DNAI2: variants seen among roughly 807,000 people sequenced by gnomAD.
DNAI2 encodes the protein dynein axonemal intermediate chain 2, also known as dynein, axonemal, intermediate polypeptide 2.
DNAI2 carries 63 observed loss-of-function variants against 74.7 expected under a neutral mutation model. That is an observed-to-expected ratio of 0.84 (90% CI 0.69 to 1.04). The LOEUF is 1.04. Among genes scored for constraint, DNAI2 ranks in the 50% least tolerant of loss-of-function variants. The pLI, the probability that DNAI2 is intolerant of heterozygous loss-of-function variation, is 0.00. For synonymous variants in DNAI2, 289 were observed against 314.9 expected (o/e 0.92, Z 0.87); for missense variants, 688 against 803.2 (o/e 0.86, Z 1.73).
intron 8 of DNAI2, 128 bp from the exon 9 acceptor site, chr17:74,305,091 T>G (rs1030002062): frequency 3.2e-6 from 3 of 941,100 alleles, no homozygotes; most frequent in Non-Finnish European, 1.7e-6. Flanking sequence ...GCCACAGCCC[T>G]TGCCAAGGCT....
intron 6 of DNAI2, among the ~76,000 whole-genome samples, chr17:74,291,589 G>A (rs573109907): frequency 1.6e-4 from 25 of 152,348 alleles, no homozygotes; most frequent in African/African-American, 3.1e-4. Flanking sequence ...CTGCAGACAC[G>A]GGTGAGGCAG....
intron 1 of DNAI2, among the ~76,000 whole-genome samples, chr17:74,275,803 T>C (rs1271890958): frequency 6.6e-6 from 1 of 151,602 alleles, no homozygotes; most frequent in Non-Finnish European, 1.5e-5. Context: ...GGCACAAGAA[T>C]CGCTTGAACT....
At chr17:74,307,154 A>G (rs1381392379) in intron 9 of DNAI2, 3 of 442,912 alleles carry the variant, frequency 6.8e-6, no homozygotes, top group Non-Finnish European at 9.0e-6. Flanking sequence ...GGGGGTTCCC[A>G]GTAGATGTGA....
chr17:74,307,743 C>A (rs1349900728), intron 9 of DNAI2, among the ~76,000 whole-genome samples: 1 of 151,504 alleles, frequency 6.6e-6, no homozygotes, highest in African/African-American at 2.4e-5. Context: ...AAGTATGTCC[C>A]ATGCAATATT....
At chr17:74,293,755 T>G (rs566442902) in intron 6 of DNAI2, among the ~76,000 whole-genome samples, 1 of 150,588 alleles carries the variant, frequency 6.6e-6, no homozygotes, top group East Asian at 1.9e-4. Flanking sequence ...GTAGATTACA[T>G]GTAGCTGGCA....
chr17:74,302,078 G>A lies in DNAI2; in HGVS notation c.987+910G>A, dbSNP rs9908396. Among the ~76,000 whole-genome samples, 20 of 83,304 alleles carry A rather than the reference G, an allele frequency of 2.4e-4. 1 individual carries two copies. The highest frequency in any genetic ancestry group is 2.3e-3 in the East Asian group (6 of 2,618). 54.7% of individuals were successfully genotyped at this position (83,304 alleles called of 152,430 possible). Reference sequence around the variant, plus strand: ...AGGAAGGAAGGAAGGAAAGAAGGAAGGAAGGAAGGAAGGAAGGAAGGAAGG... The same window carrying A: ...AGGAAGGAAGGAAGGAAAGAAGGAAAGAAGGAAGGAAGGAAGGAAGGAAGG... On this transcript the variant is annotated intron_variant, in intron 8 of 13. Coordinates refer to ENST00000311014, the MANE Select transcript of DNAI2 (RefSeq NM_023036.6).
chr17:74,284,264 G>T lies in DNAI2; in HGVS notation c.184-776G>T, dbSNP rs114912242. 8.8e-4 allele frequency among the ~76,000 whole-genome samples: 133 copies of T among 150,752 alleles called. 1 individual carries two copies. The highest frequency in any genetic ancestry group is 3.1e-3 in the African/African-American group (127 of 41,076). ...AAGAAGGGAAAGTGGCGACACCCACGTGTAAAACTGTCCTCCCTGCTAGAG... is the reference window on the plus strand; with the variant it reads ...AAGAAGGGAAAGTGGCGACACCCACTTGTAAAACTGTCCTCCCTGCTAGAG... On this transcript the variant is annotated intron_variant, in intron 2 of 13. Coordinates refer to ENST00000311014, the MANE Select transcript of DNAI2 (RefSeq NM_023036.6).
At chr17:74,294,306 T>TC (rs1399175198) in intron 6 of DNAI2, among the ~76,000 whole-genome samples, 4 of 151,032 alleles carry the variant, frequency 2.6e-5, no homozygotes, top group Admixed American at 6.6e-5. Flanking sequence ...TTCTTTTTTT[T>TC]TTTTCTTTTC....
At chr17:74,288,713 C>T (rs1450609114) in intron 4 of DNAI2, among the ~76,000 whole-genome samples, 13 of 152,140 alleles carry the variant, frequency 8.5e-5, no homozygotes, top group Non-Finnish European at 1.8e-4. Flanking sequence ...AGAAGGACTC[C>T]TCGGCCTTGA....
At chr17:74,306,516 C>A (rs989573886) in intron 9 of DNAI2, among the ~76,000 whole-genome samples, 4 of 152,210 alleles carry the variant, frequency 2.6e-5, no homozygotes, top group Non-Finnish European at 5.9e-5. Context: ...GAACCACAGA[C>A]TCCTGCAACG....
intron 3 of DNAI2, among the ~76,000 whole-genome samples, chr17:74,286,223 G>C (rs2051719584): frequency 6.6e-6 from 1 of 150,998 alleles, no homozygotes; most frequent in Non-Finnish European, 1.5e-5. Context: ...TTGAACCCGA[G>C]AGACGGAAGC....
chr17:74,307,125 C>G (rs376036019), intron 9 of DNAI2: 13 of 415,278 alleles, frequency 3.1e-5, no homozygotes, highest in Non-Finnish European at 5.3e-5. Flanking sequence ...GTGCATTGTT[C>G]CAGGCCTCAT....
chr17:74,301,381 A>G (rs926536019), intron 8 of DNAI2, among the ~76,000 whole-genome samples: 6 of 152,188 alleles, frequency 3.9e-5, no homozygotes, highest in Non-Finnish European at 4.4e-5. Flanking sequence ...CATAGTCATC[A>G]TGGCACCAAG....
intron 9 of DNAI2, among the ~76,000 whole-genome samples, chr17:74,306,720 C>T (rs1432811864): frequency 2.6e-5 from 4 of 152,214 alleles, no homozygotes; most frequent in African/African-American, 9.6e-5. Context: ...CGAGTTCATG[C>T]GATTCTCCTG....
At chr17:74,286,738 T>C (rs911304285) in intron 3 of DNAI2, among the ~76,000 whole-genome samples, 16 of 152,204 alleles carry the variant, frequency 1.1e-4, no homozygotes, top group African/African-American at 3.6e-4. Context: ...CAAATGTTAA[T>C]GCTATAGACA....
intron 8 of DNAI2, among the ~76,000 whole-genome samples, chr17:74,303,816 T>TA (rs967405851): frequency 2.0e-5 from 3 of 152,130 alleles, no homozygotes; most frequent in Non-Finnish European, 2.9e-5. Context: ...ATATGTTTTT[T>TA]AAAAAAATAA....
At position 74,299,734 on chromosome 17, in the gene DNAI2, A is replaced by G. The variant is rs1464997999; in HGVS notation, c.741A>G (p.Arg247=). Reference sequence around the variant, plus strand: ...CCTCACCAGCCTGCTGGGACACCCGAAAGGGCAGCCTGGTGGCGGAGCTAT... The same window carrying G: ...CCTCACCAGCCTGCTGGGACACCCGGAAGGGCAGCCTGGTGGCGGAGCTAT... The part of the protein sequence containing the change: ...YNGQIACWDT[R]KGSLVAELST... Residue 247 remains arginine (R), a synonymous_variant, in exon 7 of 14, where the codon CGA becomes CGG. Transcript: ENST00000311014. The G allele has an allele frequency of 6.8e-6, 11 of 1,613,140 alleles. No homozygotes were observed. In the South Asian group the frequency reaches 1.2e-4, roughly 18 times the overall value.
chr17:74,282,059 T>C, intron 2 of DNAI2, 59 bp downstream of exon 2: 2 of 1,596,628 alleles, frequency 1.3e-6, no homozygotes, highest in Non-Finnish European at 1.7e-6. Context: ...GGCGGCCAGC[T>C]GGGGCCGGTG....
chr17:74,286,297 AAATAATAATAATAATAAT>A (rs10637482), intron 3 of DNAI2, among the ~76,000 whole-genome samples: 3 of 140,682 alleles, frequency 2.1e-5, no homozygotes, highest in Admixed American at 7.3e-5. Flanking sequence ...CTGTGTCTCA[AAATAATAATAATAATAAT>A]AATAATAATA....
Sources: allele counts gnomAD v4.1 joint callset (sites outside exome capture counted in the v4.1 genomes callset), GRCh38; gene constraint gnomAD v4.1.1; transcripts MANE v1.5; gene names NCBI Gene and HGNC (gene_info 2026-07-23, HGNC 2026-07-21).